ACP3: variants seen among roughly 807,000 people sequenced by gnomAD.
The protein encoded by ACP3 is acid phosphatase 3.
In ACP3, 38 loss-of-function variants were observed where a neutral mutation model predicts 45.6. The observed-to-expected ratio is 0.83, with a 90% CI of 0.64 to 1.09. The LOEUF is 1.09. Among genes scored for constraint, ACP3 ranks in the 50% least tolerant of loss-of-function variants. ACP3 has a pLI of 0.00. For missense variants in ACP3, 466 were observed against 463.2 expected, an observed-to-expected ratio of 1.01 and a Z score of -0.05; for synonymous variants, 162 against 164.7, an observed-to-expected ratio of 0.98 and a Z score of 0.13.
chr3:132,347,029 T>C (rs1043059294), intron 7 of ACP3, among the ~76,000 whole-genome samples: 1 of 152,248 alleles, frequency 6.6e-6, no homozygotes, highest in African/African-American at 2.4e-5. Context: ...TCCTCTTTTA[T>C]TTCCCTTGCC....
downstream of ACP3, among the ~76,000 whole-genome samples, chr3:132,359,692 C>T (rs572274156): frequency 1.3e-5 from 2 of 152,144 alleles, no homozygotes; most frequent in African/African-American, 4.8e-5. Context: ...GAATTCTTTC[C>T]CTCAAAACAC....
intron 2 of ACP3, among the ~76,000 whole-genome samples, chr3:132,330,307 A>G (rs1937377776): frequency 6.6e-6 from 1 of 152,110 alleles, no homozygotes; most frequent in South Asian, 2.1e-4. Context: ...TTGTCTAGGT[A>G]TTTTTAATCT....
rs138017217 is a variant in ACP3 at position 132,325,595 on chromosome 3, A to AACACACACACACACACACACACACAC, written c.121-2648_121-2647insACACACACACACACACACACACACAC. On this transcript the variant is annotated intron_variant, in intron 1 of 9. Coordinates refer to ENST00000336375, the MANE Select transcript of ACP3 (RefSeq NM_001099.5). The stretch of plus-strand genomic sequence containing the variant: ...AAGGTTTTGGTTTCTTCTGATACAA[A>AACACACACACACACACACACACACAC]ACACACACACACACACACACACACC... 9.7e-3 allele frequency among the ~76,000 whole-genome samples: 1,392 copies of AACACACACACACACACACACACACAC among 143,676 alleles called. 19 individuals carry two copies. Among genetic ancestry groups the AACACACACACACACACACACACACAC allele is most frequent in the East Asian group, 0.04 (200 of 5,060 alleles). 94.3% of individuals were successfully genotyped at this position (143,676 alleles called of 152,430 possible). A position where few individuals can be genotyped will look rare whatever the true frequency, so the allele number is the denominator to read the frequency against.
chr3:132,353,091 T>C (rs1232891771), intron 9 of ACP3, among the ~76,000 whole-genome samples: 2 of 152,214 alleles, frequency 1.3e-5, no homozygotes, highest in Non-Finnish European at 2.9e-5. Context: ...TAAGGTATTC[T>C]AAGAAGTAGG....
intron 5 of ACP3, among the ~76,000 whole-genome samples, chr3:132,337,931 A>G (rs1259199468): frequency 2.0e-5 from 3 of 151,590 alleles, no homozygotes; most frequent in African/African-American, 2.4e-5. Flanking sequence ...TTTTGTTTCT[A>G]TTTTGCAAAG....
In ACP3 at chr3:132,357,279, T is replaced by G. The variant is rs1937929602; in HGVS notation, c.*401T>G. On this transcript the variant is annotated 3_prime_UTR_variant, in exon 10 of 10. Transcript: ENST00000336375. ...CTTTAAATGTCTGAAATGGAACAGA[T>G]TTCAAAAAAAAACCCCACAATCTAG... 5 of 986,694 alleles carry G rather than the reference T, an allele frequency of 5.1e-6. No individual in the cohort carries two copies. Among genetic ancestry groups the G allele is most frequent in the Admixed American group, 6.1e-5 (1 of 16,288 alleles). The allele number at this position is 986,694 out of a possible 1,614,324, so 61.1% of individuals were successfully genotyped here. A position where few individuals can be genotyped will look rare whatever the true frequency, so the allele number is the denominator to read the frequency against.
intron 10 of ACP3, chr3:132,367,646 T>C (rs1350759813): frequency 8.3e-6 from 11 of 1,331,276 alleles, no homozygotes; most frequent in Non-Finnish European, 1.1e-5. Flanking sequence ...TCACATGTGA[T>C]CTTCCTATTT....
intron 2 of ACP3, among the ~76,000 whole-genome samples, chr3:132,331,278 C>T (rs1192657018): frequency 6.6e-6 from 1 of 152,206 alleles, no homozygotes; most frequent in Non-Finnish European, 1.5e-5. Flanking sequence ...GGTTGAGCTT[C>T]TTCCACAAAA....
Position 132,332,261 on chromosome 3 carries a change from C to G in ACP3, c.373C>G (p.Pro125Ala), listed in dbSNP as rs766769148. 2 of 1,614,086 alleles carry G rather than the reference C, an allele frequency of 1.2e-6. No individual in the cohort carries two copies. Among genetic ancestry groups the G allele is most frequent in the South Asian group, 2.2e-5 (2 of 91,082 alleles). The stretch of plus-strand genomic sequence containing the variant: ...TATGACAAACCTGGCAGCCCTGTTT[C>G]CCCCAGAAGGTGTCAGCATCTGGAA... The part of the protein sequence containing the change: ...SAMTNLAALF[P>A]PEGVSIWNPI... The change falls in exon 4 of 10, where the codon CCC becomes GCC. Residue 125 changes from proline to alanine, a missense_variant. Pro to Ala is a conservative substitution (Grantham distance 27). Transcript: ENST00000336375.
intron 5 of ACP3, among the ~76,000 whole-genome samples, chr3:132,339,658 G>A (rs188909191): frequency 1.3e-4 from 20 of 152,314 alleles, no homozygotes; most frequent in Non-Finnish European, 2.5e-4. Context: ...AAAGGTCAAG[G>A]AGCTTGCCTG....
intron 6 of ACP3, among the ~76,000 whole-genome samples, chr3:132,344,360 T>A (rs1937584671): frequency 6.6e-6 from 1 of 151,232 alleles, no homozygotes; most frequent in Admixed American, 6.6e-5. Flanking sequence ...GTAGGAGGAT[T>A]GCTTGAGTCC....
rs1015833535 is a variant in ACP3 at position 132,352,578 on chromosome 3, T to C, written c.865-142T>C. ...GCACACCGCTAATGCTCAACCAAAATCTTTCCTTCTCTACTTATTAAGTCA... is the reference window on the plus strand; with the variant it reads ...GCACACCGCTAATGCTCAACCAAAACCTTTCCTTCTCTACTTATTAAGTCA... On this transcript the variant is annotated intron_variant, in intron 8 of 9. Coordinates refer to ENST00000336375, the MANE Select transcript of ACP3 (RefSeq NM_001099.5). 32 of 623,922 alleles carry C rather than the reference T, an allele frequency of 5.1e-5. 1 individual carries two copies. The Middle Eastern group carries it at 1.1e-3, about 22-fold the overall frequency. 38.6% of individuals were successfully genotyped at this position (623,922 alleles called of 1,614,324 possible).
At chr3:132,338,038 G>A (rs1297879054) in intron 5 of ACP3, among the ~76,000 whole-genome samples, 1 of 151,834 alleles carries the variant, frequency 6.6e-6, no homozygotes, top group South Asian at 2.1e-4. Flanking sequence ...CCAAAAATTA[G>A]AAAATATAAA....
At position 132,357,924 on chromosome 3, in the gene ACP3, C is replaced by T. The variant is rs1937946880; in HGVS notation, c.*1046C>T. On this transcript the variant is annotated 3_prime_UTR_variant, in exon 10 of 10. Coordinates refer to ENST00000336375, the MANE Select transcript of ACP3 (RefSeq NM_001099.5). ...GTGGTGTGTGCCTATAGTCCCACTA[C>T]TTGTGGGGCTAAGGCAGGAGGATCA... The T allele has an allele frequency of 5.1e-6, 1 of 195,276 alleles. No individual in the cohort carries two copies. The highest frequency in any genetic ancestry group is 6.5e-5 in the Admixed American group (1 of 15,292). The allele number at this position is 195,276 out of a possible 1,614,324, so 12.1% of individuals were successfully genotyped here.
At chr3:132,366,633 A>C (rs1021941158) in intron 10 of ACP3, among the ~76,000 whole-genome samples, 1 of 152,196 alleles carries the variant, frequency 6.6e-6, no homozygotes, top group Admixed American at 6.5e-5. Context: ...TCAAGAGTTC[A>C]GTTTTGGACT....
rs555748367 is a variant in ACP3 at position 132,331,732 on chromosome 3, A to G, written c.302A>G (p.Gln101Arg). 5.9e-5 allele frequency: 95 copies of G among 1,600,652 alleles called. No homozygotes were observed. In the Admixed American group the frequency reaches 1.7e-3, roughly 28 times the overall value. Reference protein sequence around the residue: ...KFLNESYKHEQVYIRSTDVDR... With the variant: ...KFLNESYKHERVYIRSTDVDR... The stretch of plus-strand genomic sequence containing the variant: ...TTGAATGAGTCCTATAAACATGAAC[A>G]GGCAAGTTGGGGAGCCAAGAGTGGG... Residue 101 changes from glutamine to arginine, a missense_variant and splice_region_variant, in exon 3 of 10, where the codon CAG becomes CGG. Transcript: ENST00000336375.
chr3:132,318,513 T>TC (rs754674585), intron 1 of ACP3, among the ~76,000 whole-genome samples: 58 of 151,794 alleles, frequency 3.8e-4, no homozygotes, highest in African/African-American at 1.3e-3. Flanking sequence ...TTTTTTTTTT[T>TC]CAGCATGGGA....
Position 132,342,254 on chromosome 3 carries a change from A to C in ACP3, c.556-298A>C, listed in dbSNP as rs149017187. On this transcript the variant is annotated intron_variant, in intron 5 of 9. Transcript: ENST00000336375. ...AATTCGTGTTTGTAAAATTCTTTGG[A>C]ATGACATTATCGTAACCAATATTAC... is the stretch of plus-strand genomic sequence containing the variant. 3.9e-5 allele frequency among the ~76,000 whole-genome samples: 6 copies of C among 152,344 alleles called. No individual in the cohort carries two copies. In the East Asian group the frequency reaches 1.2e-3, roughly 29 times the overall value.
intron 6 of ACP3, among the ~76,000 whole-genome samples, chr3:132,344,084 C>A (rs1937580607): frequency 6.6e-6 from 1 of 152,124 alleles, no homozygotes; most frequent in Admixed American, 6.5e-5. Flanking sequence ...TCGAGACCAG[C>A]CTGGCCAACA....
Sources: allele counts gnomAD v4.1 joint callset (sites outside exome capture counted in the v4.1 genomes callset), GRCh38; gene constraint gnomAD v4.1.1; transcripts MANE v1.5; gene names NCBI Gene and HGNC (gene_info 2026-07-23, HGNC 2026-07-21).